The following ADCY2 variants were observed in gnomAD, a reference collection of about 807,000 sequenced individuals.
The protein encoded by ADCY2 is adenylate cyclase 2.
A neutral mutation model predicts 125.2 loss-of-function variants in ADCY2; 31 were observed. The observed-to-expected ratio is 0.25, with a 90% CI of 0.19 to 0.33. The LOEUF is 0.33. ADCY2 is among the 10% of genes least tolerant of loss of function. The pLI, the probability that ADCY2 is intolerant of heterozygous loss-of-function variation, is 1.00. For missense variants in ADCY2, 904 were observed against 1,418.2 expected, an observed-to-expected ratio of 0.64 and a Z score of 5.82; for synonymous variants, 512 against 548.4, an observed-to-expected ratio of 0.93 and a Z score of 0.93.
At chr5:7,522,934 A>C (rs1166849363) in intron 3 of ADCY2, among the ~76,000 whole-genome samples, 3 of 151,580 alleles carry the variant, frequency 2.0e-5, no homozygotes, top group Non-Finnish European at 4.4e-5. Flanking sequence ...TCAAAAAAAA[A>C]ACAAAAAAAA....
At chr5:7,699,877 C>A (rs1164212434) in intron 7 of ADCY2, among the ~76,000 whole-genome samples, 2 of 152,200 alleles carry the variant, frequency 1.3e-5, no homozygotes, top group Non-Finnish European at 2.9e-5. Context: ...TATGCACTGC[C>A]TGACCCAGCC....
intron 10 of ADCY2, among the ~76,000 whole-genome samples, chr5:7,710,566 G>A (rs1276073806): frequency 6.6e-6 from 1 of 152,208 alleles, no homozygotes; most frequent in Non-Finnish European, 1.5e-5. Flanking sequence ...GAAGAACAAA[G>A]TCAGTGGCGC....
At chr5:7,425,080 G>A (rs936178705) in intron 2 of ADCY2, among the ~76,000 whole-genome samples, 1 of 152,156 alleles carries the variant, frequency 6.6e-6, no homozygotes, top group African/African-American at 2.4e-5. Flanking sequence ...AGCCTGCCCA[G>A]TGCTGCTCAC....
chr5:7,787,254 CA>C (rs1414618481), intron 19 of ADCY2, among the ~76,000 whole-genome samples: 13 of 152,312 alleles, frequency 8.5e-5, no homozygotes, highest in African/African-American at 3.1e-4. Flanking sequence ...CTGAGTCACC[CA>C]GGCAGGGGCT....
chr5:7,493,266 G>T (rs1743228847), intron 2 of ADCY2, among the ~76,000 whole-genome samples: 1 of 152,166 alleles, frequency 6.6e-6, no homozygotes, highest in Non-Finnish European at 1.5e-5. Flanking sequence ...CTGTCAATGA[G>T]GGCATGGGCA....
At chr5:7,742,344 C>A (rs1421350646) in intron 14 of ADCY2, among the ~76,000 whole-genome samples, 1 of 152,052 alleles carries the variant, frequency 6.6e-6, no homozygotes, top group Non-Finnish European at 1.5e-5. Context: ...TGAGCCCGGC[C>A]CATGAGACTA....
intron 2 of ADCY2, among the ~76,000 whole-genome samples, chr5:7,501,217 T>A (rs534112730): frequency 2.0e-5 from 3 of 152,098 alleles, no homozygotes; most frequent in Non-Finnish European, 4.4e-5. Context: ...TAGTGCTTGT[T>A]CTATTCTATT....
intron 14 of ADCY2, among the ~76,000 whole-genome samples, chr5:7,734,469 A>G (rs1411813458): frequency 6.6e-6 from 1 of 152,222 alleles, no homozygotes; most frequent in Non-Finnish European, 1.5e-5. Context: ...ACTTGAATAA[A>G]GCACCAAAGT....
At chr5:7,787,554 G>A (rs1744119628) in intron 19 of ADCY2, among the ~76,000 whole-genome samples, 2 of 152,170 alleles carry the variant, frequency 1.3e-5, no homozygotes, top group Admixed American at 6.5e-5. Context: ...TTTTGAGGGG[G>A]CCTTTCATAC....
chr5:7,458,904 G>A (rs1470731455), intron 2 of ADCY2, among the ~76,000 whole-genome samples: 2 of 152,192 alleles, frequency 1.3e-5, no homozygotes, highest in African/African-American at 2.4e-5. Flanking sequence ...CCGCTCATTA[G>A]GATGGCTGCT....
chr5:7,689,268 C>T (rs1740628068), intron 4 of ADCY2, among the ~76,000 whole-genome samples: 1 of 152,168 alleles, frequency 6.6e-6, no homozygotes, highest in Non-Finnish European at 1.5e-5. Context: ...TAATGCCTGA[C>T]TCTTGGGAAA....
intron 4 of ADCY2, among the ~76,000 whole-genome samples, chr5:7,670,376 T>C (rs562669826): frequency 3.9e-5 from 6 of 152,342 alleles, no homozygotes; most frequent in Non-Finnish European, 7.3e-5. Flanking sequence ...TCAATATTGA[T>C]TGAGTAGGTA....
chr5:7,595,070 A>T (rs536334963), intron 3 of ADCY2, among the ~76,000 whole-genome samples: 3 of 152,294 alleles, frequency 2.0e-5, no homozygotes, highest in Non-Finnish European at 4.4e-5. Context: ...CTTCAAGGCA[A>T]AGTGGTTTAC....
chr5:7,693,413 G>GTTTTTTTT (rs70940751), intron 5 of ADCY2, among the ~76,000 whole-genome samples: 118 of 32,342 alleles, frequency 3.6e-3, no homozygotes, highest in African/African-American at 5.3e-3. Context: ...GCTGTTTTTT[G>GTTTTTTTT]TTTTTTTTTT....
intron 3 of ADCY2, among the ~76,000 whole-genome samples, chr5:7,537,197 A>G (rs906047196): frequency 1.9e-4 from 29 of 152,344 alleles, no homozygotes; most frequent in Admixed American, 1.0e-3. Context: ...TTTAAAATCT[A>G]ATATTCATAA....
intron 20 of ADCY2, among the ~76,000 whole-genome samples, chr5:7,793,395 G>C (rs755155724): frequency 1.3e-5 from 2 of 152,164 alleles, no homozygotes; most frequent in Non-Finnish European, 2.9e-5. Flanking sequence ...AAATTGCAGC[G>C]AGCCGAGATC....
At chr5:7,652,432 A>G (rs1295516779) in intron 4 of ADCY2, among the ~76,000 whole-genome samples, 1 of 152,222 alleles carries the variant, frequency 6.6e-6, no homozygotes, top group Admixed American at 6.5e-5. Context: ...TTTCCCATTG[A>G]TCTTTTTTAA....
chr5:7,767,239 G>A lies in ADCY2; in HGVS notation c.2214+433G>A, dbSNP rs190256439. ...TCTTCCCTCTTCTTTGGCAACATAC[G>A]TTGCTGAGTGATTCTGTTCCCTAGT... On this transcript the variant is annotated intron_variant, in intron 17 of 24. Transcript: ENST00000338316. 1.5e-3 allele frequency among the ~76,000 whole-genome samples: 234 copies of A among 152,048 alleles called. 1 individual carries two copies. The highest frequency in any genetic ancestry group is 5.5e-3 in the African/African-American group (228 of 41,380).
At chr5:7,727,513 T>C (rs1203900732) in intron 14 of ADCY2, among the ~76,000 whole-genome samples, 1 of 152,208 alleles carries the variant, frequency 6.6e-6, no homozygotes, top group African/African-American at 2.4e-5. Context: ...TTTAACCTTC[T>C]TGTTTTGATG....
Sources: gnomAD v4.1 joint callset for allele counts (sites outside exome capture counted in the v4.1 genomes callset) on GRCh38, gnomAD v4.1.1 for gene constraint, MANE v1.5 for transcripts, NCBI Gene and HGNC (gene_info 2026-07-23, HGNC 2026-07-21) for gene names.